Variants in SERPINB8 observed in about 807,000 individuals in gnomAD.
SERPINB8 encodes serpin family B member 8.
A neutral mutation model predicts 35.3 loss-of-function variants in SERPINB8; 25 were observed. The observed-to-expected ratio is 0.71, with a 90% CI of 0.52 to 0.99. The LOEUF (loss-of-function observed/expected upper bound fraction) is 0.99, where lower values mean the gene tolerates loss of function less well. Among genes scored for constraint, SERPINB8 ranks in the 50% least tolerant of loss-of-function variants. The probability of loss-of-function intolerance (pLI) is 0.00; values close to 1 mark genes in which losing one functional copy is unlikely to be tolerated. For synonymous variants in SERPINB8, 186 were observed against 160.8 expected, an observed-to-expected ratio of 1.16 and a Z score of -1.19; for missense variants, 484 against 446.5, an observed-to-expected ratio of 1.08 and a Z score of -0.76.
intron 7 of SERPINB8, among the ~76,000 whole-genome samples, chr18:64,012,571 ATGTGTGTG>A (rs1555659853): frequency 1.1e-5 from 1 of 90,126 alleles, no homozygotes; most frequent in African/African-American, 3.5e-5. Context: ...CTGTGTATGT[ATGTGTGTG>A]TGTGTGTGTG....
At chr18:64,005,064 A>G (rs892043607) in exon 2 of SERPINB8, 1 of 389,276 alleles carries the variant, frequency 2.6e-6, no homozygotes, top group Non-Finnish European at 4.5e-6. Flanking sequence ...GAATAAATAC[A>G]AAAGAAGACA....
At chr18:63,986,764 C>T in intron 6 of SERPINB8, 110 bp from the exon 7 acceptor site, 1 of 1,383,994 alleles carries the variant, frequency 7.2e-7, no homozygotes, top group South Asian at 1.4e-5. Flanking sequence ...TTTTCTTGGA[C>T]CAGAACTCAC....
chr18:64,005,157 C>A, exon 2 of SERPINB8: 1 of 275,502 alleles, frequency 3.6e-6, no homozygotes, highest in Admixed American at 5.3e-5. Context: ...AGTGAAATAC[C>A]ACCACAACTC....
intron 6 of SERPINB8, 61 bp downstream of exon 6, chr18:63,985,306 T>C: frequency 6.4e-7 from 1 of 1,574,574 alleles, no homozygotes; most frequent in East Asian, 2.3e-5. Context: ...TTTCTTTATG[T>C]TCATCTACCA....
At chr18:63,971,912 A>G (rs2050488528) in intron 1 of SERPINB8, among the ~76,000 whole-genome samples, 1 of 151,970 alleles carries the variant, frequency 6.6e-6, no homozygotes, top group South Asian at 2.1e-4. Context: ...TTCCTGCCAC[A>G]TTCTTGGCAC....
intron 5 of SERPINB8, among the ~76,000 whole-genome samples, chr18:63,984,566 T>A (rs2050721579): frequency 6.6e-6 from 1 of 152,208 alleles, no homozygotes; most frequent in Non-Finnish European, 1.5e-5. Flanking sequence ...CACAAAGATA[T>A]GAAAGTTAAA....
chr18:64,014,245 G>A (rs1402952638), intron 7 of SERPINB8, among the ~76,000 whole-genome samples: 6 of 152,160 alleles, frequency 3.9e-5, no homozygotes, highest in African/African-American at 1.4e-4. Context: ...TGGACAGAAT[G>A]TACCAGGATA....
rs144460948 is a variant in SERPINB8, at chr18:63,985,801, C to G, written c.720+556C>G. ...AAGTCTTACTGTGACAGAAAAGGAA[C>G]AGAGTCCAGGAAGGGAAGTGGTAAA... On this transcript the variant is annotated intron_variant, in intron 6 of 6. Transcript: ENST00000397985. Among the ~76,000 whole-genome samples the G allele has an allele frequency of 2.9e-3, 439 of 152,250 alleles. 2 individuals are homozygous for G. The highest frequency in any genetic ancestry group is 0.024 in the Middle Eastern group (7 of 294).
chr18:63,998,929 T>G (rs1367766889), intron 1 of SERPINB8, among the ~76,000 whole-genome samples: 1 of 152,160 alleles, frequency 6.6e-6, no homozygotes, highest in Non-Finnish European at 1.5e-5. Context: ...AAATATCAAA[T>G]AGAAACTTTG....
At chr18:64,001,206 A>T (rs945080243) in intron 1 of SERPINB8, among the ~76,000 whole-genome samples, 60 of 152,218 alleles carry the variant, frequency 3.9e-4, no homozygotes, top group African/African-American at 1.3e-3. Flanking sequence ...AACCAGTCTG[A>T]CAATCTCTGT....
chr18:64,019,007 C>T (rs2050963444), exon 8 of SERPINB8: 1 of 152,180 alleles, frequency 6.6e-6, no homozygotes, highest in Non-Finnish European at 1.5e-5. Context: ...ATGACTGTCA[C>T]AATCTTTGTG....
In SERPINB8 at chr18:63,970,135, C is replaced by T; in HGVS notation, c.-46C>T. On this transcript the variant is annotated 5_prime_UTR_variant, in exon 1 of 7. Coordinates refer to ENST00000397985, the MANE Select transcript of SERPINB8 (RefSeq NM_002640.4). Reference sequence around the variant, plus strand: ...GGAGGAATAGTCAAAGCAGCAGCGGCGGCGGCGGCGGCGGCAGCAGCAGCA... The same window carrying T: ...GGAGGAATAGTCAAAGCAGCAGCGGTGGCGGCGGCGGCGGCAGCAGCAGCA... 2.8e-6 allele frequency: 1 copy of T among 362,892 alleles called. No homozygotes were observed. Among genetic ancestry groups the T allele is most frequent in the African/African-American group, 2.2e-5 (1 of 44,734 alleles). The allele number at this position is 362,892 out of a possible 1,614,324, so 22.5% of individuals were successfully genotyped here. A position where few individuals can be genotyped will look rare whatever the true frequency, so the allele number is the denominator to read the frequency against.
rs1397796632 is a variant in SERPINB8, at chr18:63,988,324, A to G, written c.*1046A>G. On this transcript the variant is annotated 3_prime_UTR_variant, in exon 7 of 7. Transcript: ENST00000397985. Reference sequence around the variant, plus strand: ...TCCAGGTCATCAATTTGATGTGCATAGTATTCCACTGTGTGGCTGGATTTC... The same window carrying G: ...TCCAGGTCATCAATTTGATGTGCATGGTATTCCACTGTGTGGCTGGATTTC... 6.6e-6 allele frequency: 1 copy of G among 152,244 alleles called. No individual in the cohort carries two copies. Among genetic ancestry groups the G allele is most frequent in the Admixed American group, 6.5e-5 (1 of 15,288 alleles). The allele number at this position is 152,244 out of a possible 1,614,324, so 9.4% of individuals were successfully genotyped here. A position where few individuals can be genotyped will look rare whatever the true frequency, so the allele number is the denominator to read the frequency against.
intron 1 of SERPINB8, among the ~76,000 whole-genome samples, chr18:64,000,069 G>GC (rs1378434887): frequency 1.3e-5 from 2 of 152,212 alleles, no homozygotes; most frequent in African/African-American, 4.8e-5. Flanking sequence ...CAGCTGGCCA[G>GC]CCAAGGAGAG....
downstream of SERPINB8, among the ~76,000 whole-genome samples, chr18:63,990,554 T>G (rs1201822212): frequency 6.6e-6 from 1 of 152,158 alleles, no homozygotes; most frequent in Non-Finnish European, 1.5e-5. Flanking sequence ...TTAGGGTACA[T>G]GTGCACAATG....
chr18:63,993,280 C>T (rs966812665), downstream of SERPINB8, among the ~76,000 whole-genome samples: 1 of 152,142 alleles, frequency 6.6e-6, no homozygotes, highest in African/African-American at 2.4e-5. Context: ...GTTCAAAATA[C>T]ATTCTGATTT....
chr18:63,973,152 G>C (rs1291326964), intron 1 of SERPINB8, among the ~76,000 whole-genome samples: 2 of 152,214 alleles, frequency 1.3e-5, no homozygotes, highest in African/African-American at 2.4e-5. Flanking sequence ...TCCAGCACCT[G>C]TTGTTTCCTG....
At chr18:64,009,924 T>C (rs2050918269), downstream of SERPINB8, among the ~76,000 whole-genome samples, 1 of 151,998 alleles carries the variant, frequency 6.6e-6, no homozygotes, top group African/African-American at 2.4e-5. Flanking sequence ...GAGGAAACAA[T>C]TGAAAAAATC....
At chr18:64,018,684 A>G (rs1400576) in intron 7 of SERPINB8, among the ~76,000 whole-genome samples, 91,123 of 151,954 alleles carry the variant, frequency 0.6, 27,570 homozygotes, top group East Asian at 0.69. Flanking sequence ...AAATACTCAG[A>G]GAAACCATTG....
Sources: gnomAD v4.1 joint callset for allele counts (sites outside exome capture counted in the v4.1 genomes callset) on GRCh38, gnomAD v4.1.1 for gene constraint, MANE v1.5 for transcripts, NCBI Gene and HGNC (gene_info 2026-07-23, HGNC 2026-07-21) for gene names.